ADAD1: variants seen among roughly 807,000 people sequenced by gnomAD.
ADAD1 encodes the protein adenosine deaminase domain containing 1, also known as adenosine deaminase domain-containing protein 1.
In ADAD1, 46 loss-of-function variants were observed where a neutral mutation model predicts 66.8. That is an observed-to-expected ratio of 0.69 (90% CI 0.54 to 0.88). The LOEUF (loss-of-function observed/expected upper bound fraction) is 0.88, where lower values mean the gene tolerates loss of function less well. Among genes scored for constraint, ADAD1 ranks in the 40% least tolerant of loss-of-function variants. ADAD1 has a pLI of 0.00. For missense variants in ADAD1, 617 were observed against 681.8 expected (o/e 0.91, Z 1.06); for synonymous variants, 248 against 229.4 (o/e 1.08, Z -0.73).
chr4:122,428,358 A>G (rs1797350871), intron 12 of ADAD1, among the ~76,000 whole-genome samples: 2 of 152,228 alleles, frequency 1.3e-5, no homozygotes. Flanking sequence ...CAAACTACAG[A>G]CTATGAGAAA....
chr4:122,414,828 A>G (rs2150586871), intron 10 of ADAD1, among the ~76,000 whole-genome samples: 1 of 152,238 alleles, frequency 6.6e-6, no homozygotes, highest in South Asian at 2.1e-4. Context: ...CTCTCCTTCA[A>G]TAATTATTAT....
intron 7 of ADAD1, among the ~76,000 whole-genome samples, chr4:122,401,740 A>G (rs2150564680): frequency 6.6e-6 from 1 of 152,272 alleles, no homozygotes; most frequent in South Asian, 2.1e-4. Flanking sequence ...TTTTATCATT[A>G]TATGATGTCC....
intron 7 of ADAD1, among the ~76,000 whole-genome samples, chr4:122,402,931 A>G (rs1796044474): frequency 6.6e-6 from 1 of 152,008 alleles, no homozygotes; most frequent in East Asian, 1.9e-4. Flanking sequence ...GTTGGTTTTC[A>G]CCTTTCTCTG....
Position 122,407,979 on chromosome 4 carries a change from A to C in ADAD1, c.796A>C (p.Arg266=), listed in dbSNP as rs1330435502. The part of the protein sequence containing the change: ...NYSQDIKPDG[R]VLHDTHAVVT... ...CAGCCAGGACATTAAGCCAGATGGA[A>C]GAGTATTGCATGACACTCATGCTGT... Residue 266 remains arginine, a synonymous_variant, in exon 8 of 13, where the codon AGA becomes CGA. Coordinates refer to ENST00000296513, the MANE Select transcript of ADAD1 (RefSeq NM_139243.4). 1 of 1,613,830 alleles carries C rather than the reference A, an allele frequency of 6.2e-7. No individual in the cohort carries two copies. The highest frequency in any genetic ancestry group is 8.5e-7 in the Non-Finnish European group (1 of 1,179,804).
chr4:122,386,590 T>C (rs1321558420), intron 5 of ADAD1, among the ~76,000 whole-genome samples: 1 of 152,246 alleles, frequency 6.6e-6, no homozygotes, highest in Non-Finnish European at 1.5e-5. Context: ...TTTTAGCATT[T>C]TTAACATGAA....
intron 12 of ADAD1, among the ~76,000 whole-genome samples, chr4:122,423,279 C>T (rs1797089539): frequency 6.6e-6 from 1 of 152,164 alleles, no homozygotes; most frequent in Non-Finnish European, 1.5e-5. Flanking sequence ...TTTGCTGGCC[C>T]AAGGTTGCCA....
intron 5 of ADAD1, among the ~76,000 whole-genome samples, chr4:122,387,838 C>T (rs558914542): frequency 6.6e-6 from 1 of 151,728 alleles, no homozygotes; most frequent in East Asian, 1.9e-4. Context: ...CGGCTCACTG[C>T]AAGCTCTGCC....
chr4:122,417,436 A>G (rs1484518752), intron 11 of ADAD1, among the ~76,000 whole-genome samples: 2 of 152,152 alleles, frequency 1.3e-5, no homozygotes, highest in African/African-American at 2.4e-5. Context: ...AAACCTTAGC[A>G]ATATAGACAG....
Position 122,421,256 on chromosome 4 carries a change from C to T in ADAD1, c.1488-5C>T. The T allele has an allele frequency of 6.3e-6, 10 of 1,582,386 alleles. No homozygotes were observed. Among genetic ancestry groups the T allele is most frequent in the Non-Finnish European group, 8.6e-6 (10 of 1,160,454 alleles). ...ATTTAAAAAATTTTATTTCTCTCTGCTTAGTTCCCCATTTAAAAGTGGTAT... is the reference window on the plus strand; with the variant it reads ...ATTTAAAAAATTTTATTTCTCTCTGTTTAGTTCCCCATTTAAAAGTGGTAT... On this transcript the variant is annotated splice_polypyrimidine_tract_variant and splice_region_variant and intron_variant, in intron 11 of 12. Coordinates refer to ENST00000296513, the MANE Select transcript of ADAD1 (RefSeq NM_139243.4).
rs1394748607 is a variant in ADAD1 at position 122,415,582 on chromosome 4, A to G, written c.1453A>G (p.Ile485Val). The G allele has an allele frequency of 6.2e-7, 1 of 1,613,658 alleles. No homozygotes were observed. Among genetic ancestry groups the G allele is most frequent in the African/African-American group, 1.3e-5 (1 of 74,892 alleles). The change falls in exon 11 of 13, where the codon ATT (isoleucine) becomes GTT (valine). Residue 485 changes from isoleucine to valine, a missense_variant. Transcript: ENST00000296513. ...GGCACAAGGAGATGTTTCTTTGGAG[A>G]TTGTGGATGGCCTGAGTGGGAAGAT... Reference protein sequence around the residue: ...NWAQGDVSLEIVDGLSGKITE... With the variant: ...NWAQGDVSLEVVDGLSGKITE...
intron 4 of ADAD1, among the ~76,000 whole-genome samples, chr4:122,382,230 T>TA (rs1794932649): frequency 6.6e-6 from 1 of 152,176 alleles, no homozygotes; most frequent in African/African-American, 2.4e-5. Flanking sequence ...CAAAAACTAC[T>TA]AAAAAACATG....
chr4:122,381,227 G>A (rs769650610), intron 4 of ADAD1, 47 bp downstream of exon 4: 3 of 1,490,196 alleles, frequency 2.0e-6, no homozygotes, highest in Non-Finnish European at 2.7e-6. Context: ...GAAAAGTATA[G>A]CAAAATAATT....
Position 122,415,513 on chromosome 4 carries a change from C to T in ADAD1, c.1384C>T (p.Pro462Ser). Residue 462 changes from proline to serine, a missense_variant, in exon 11 of 13, where the codon CCC becomes TCC. Transcript: ENST00000296513. ...TATTAGTTTAGTACCCTCTGCATAT[C>T]CCCTTCAAATGAACTTGGAATATAA... ...PHISLVPSAY[P>S]LQMNLEYKFL... The T allele has an allele frequency of 1.2e-6, 2 of 1,613,910 alleles. No homozygotes were observed. Among genetic ancestry groups the T allele is most frequent in the Non-Finnish European group, 1.7e-6 (2 of 1,179,872 alleles).
intron 3 of ADAD1, 97 bp from the exon 4 acceptor site, chr4:122,380,895 C>A: frequency 8.8e-7 from 1 of 1,137,708 alleles, no homozygotes; most frequent in Non-Finnish European, 1.2e-6. Context: ...TGAAGTGTAT[C>A]TGGGACAACC....
Position 122,421,404 on chromosome 4 carries a change from G to T in ADAD1, c.1617+14G>T. 6.6e-7 allele frequency: 1 copy of T among 1,522,914 alleles called. No homozygotes were observed. The highest frequency in any genetic ancestry group is 1.3e-5 in the South Asian group (1 of 76,398). The allele number at this position is 1,522,914 out of a possible 1,614,324, so 94.3% of individuals were successfully genotyped here. On this transcript the variant is annotated intron_variant, in intron 12 of 12. Transcript: ENST00000296513. ...CATGCAGCTAAGGTAAGTCCTTAAA[G>T]GAATAAAGTTATCATAGGAATAAAA...
Position 122,402,876 on chromosome 4 carries a change from G to A in ADAD1, c.725-5032G>A, listed in dbSNP as rs144494208. ...TTTCATTATGATAGCTATTTCTCTG[G>A]AGACTTTTTTATCCATACCCTATAT... On this transcript the variant is annotated intron_variant, in intron 7 of 12. Coordinates refer to ENST00000296513, the MANE Select transcript of ADAD1 (RefSeq NM_139243.4). Among the ~76,000 whole-genome samples, 363 of 152,058 alleles carry A rather than the reference G, an allele frequency of 2.4e-3. 3 individuals carry two copies. Among genetic ancestry groups the A allele is most frequent in the Admixed American group, 0.02 (306 of 15,276 alleles).
chr4:122,413,861 T>C (rs1324054368), intron 10 of ADAD1, among the ~76,000 whole-genome samples: 2 of 143,488 alleles, frequency 1.4e-5, no homozygotes, highest in African/African-American at 5.2e-5. Context: ...CATATATATA[T>C]ATATATATAT....
chr4:122,400,922 TTTTG>T (rs1236699403), intron 7 of ADAD1, among the ~76,000 whole-genome samples: 13 of 152,250 alleles, frequency 8.5e-5, no homozygotes, highest in African/African-American at 3.1e-4. Context: ...GGTCTATCAA[TTTTG>T]TTTGTCTTTT....
chr4:122,395,050 GTATT>G (rs1007464383), intron 6 of ADAD1, among the ~76,000 whole-genome samples: 2 of 151,910 alleles, frequency 1.3e-5, no homozygotes, highest in African/African-American at 2.4e-5. Flanking sequence ...ATGTGTGTGT[GTATT>G]TATTTATTTA....
Sources: gnomAD v4.1 joint callset for allele counts (sites outside exome capture counted in the v4.1 genomes callset) on GRCh38, gnomAD v4.1.1 for gene constraint, MANE v1.5 for transcripts, NCBI Gene and HGNC (gene_info 2026-07-23, HGNC 2026-07-21) for gene names.